IQGAP2: variants seen among roughly 807,000 people sequenced by gnomAD.
IQGAP2 encodes the protein ras GTPase-activating-like protein IQGAP2.
Under a neutral mutation model 201.3 loss-of-function variants are expected in IQGAP2, and 173 were observed. That is an observed-to-expected ratio of 0.86 (90% CI 0.76 to 0.98). IQGAP2 has a LOEUF of 0.98. IQGAP2 is among the 50% of genes least tolerant of loss of function. The pLI is 0.00. For missense variants in IQGAP2, 1,687 were observed against 1,864.8 expected (o/e 0.90, Z 1.76); for synonymous variants, 675 against 673.9 (o/e 1.00, Z -0.03).
intron 1 of IQGAP2, among the ~76,000 whole-genome samples, chr5:76,450,106 C>A (rs988848881): frequency 1.3e-5 from 2 of 152,160 alleles, no homozygotes. Flanking sequence ...ACACAACAAG[C>A]CAAAACCAAA....
intron 2 of IQGAP2, among the ~76,000 whole-genome samples, chr5:76,496,767 TTCTTTCTTTCTTTCTTTCTTTCTTTCTC>T (rs1756991892): frequency 2.5e-5 from 3 of 120,982 alleles, no homozygotes; most frequent in South Asian, 5.2e-4. Flanking sequence ...CTTTCTTTCT[TTCTTTCTTTCTTTCTTTCTTTCTTTCTC>T]TTTCTTTCTT....
In IQGAP2 at chr5:76,707,573, A is replaced by C. The variant is rs1748017892; in HGVS notation, c.*260A>C. Reference sequence around the variant, plus strand: ...GGTACTCTGATTTAAAACTTTGGACATCCTGTGATCTGTTTTAAAGTTGGG... The same window carrying C: ...GGTACTCTGATTTAAAACTTTGGACCTCCTGTGATCTGTTTTAAAGTTGGG... On this transcript the variant is annotated 3_prime_UTR_variant, in exon 36 of 36. Coordinates refer to ENST00000274364, the MANE Select transcript of IQGAP2 (RefSeq NM_006633.5). The C allele has an allele frequency of 9.6e-6, 3 of 313,956 alleles. No individual in the cohort carries two copies. The highest frequency in any genetic ancestry group is 1.3e-4 in the South Asian group (2 of 15,920). The allele number at this position is 313,956 out of a possible 1,614,324, so 19.4% of individuals were successfully genotyped here. A position where few individuals can be genotyped will look rare whatever the true frequency, so the allele number is the denominator to read the frequency against.
At chr5:76,636,973 C>T in intron 15 of IQGAP2, 61 bp from the exon 16 acceptor site, 1 of 1,312,070 alleles carries the variant, frequency 7.6e-7, no homozygotes. Flanking sequence ...ATTAAAGAAA[C>T]TACACTAATG....
chr5:76,602,128 G>A (rs1403745439), intron 11 of IQGAP2, among the ~76,000 whole-genome samples: 1 of 152,180 alleles, frequency 6.6e-6, no homozygotes, highest in Non-Finnish European at 1.5e-5. Flanking sequence ...ACCTCTGCAA[G>A]ATGTTTCCAT....
intron 2 of IQGAP2, among the ~76,000 whole-genome samples, chr5:76,538,409 T>C (rs921511170): frequency 6.6e-6 from 1 of 152,340 alleles, no homozygotes; most frequent in Non-Finnish European, 1.5e-5. Flanking sequence ...TGCTGCCACG[T>C]ACTCTTCCAG....
At chr5:76,549,322 T>TGC (rs1357337678) in intron 2 of IQGAP2, among the ~76,000 whole-genome samples, 1 of 146,182 alleles carries the variant, frequency 6.8e-6, no homozygotes, top group Non-Finnish European at 1.5e-5. Context: ...AGCTCTGGAG[T>TGC]GTGTGTGTGT....
intron 33 of IQGAP2, 31 bp downstream of exon 33, chr5:76,698,178 A>G (rs1316375862): frequency 6.7e-7 from 1 of 1,500,448 alleles, no homozygotes; most frequent in Non-Finnish European, 9.2e-7. Context: ...GTTCATTTGT[A>G]ATGTCATGAT....
chr5:76,582,036 G>T (rs917634119), intron 5 of IQGAP2, among the ~76,000 whole-genome samples: 2 of 152,152 alleles, frequency 1.3e-5, no homozygotes, highest in Admixed American at 1.3e-4. Context: ...ATACTGTACT[G>T]GTATAATCTC....
At chr5:76,630,420 G>A (rs538228384) in intron 14 of IQGAP2, among the ~76,000 whole-genome samples, 1 of 152,228 alleles carries the variant, frequency 6.6e-6, no homozygotes, top group South Asian at 2.1e-4. Flanking sequence ...CAGCTGTCCT[G>A]TTAGGATTTT....
intron 27 of IQGAP2, among the ~76,000 whole-genome samples, chr5:76,676,852 C>G (rs1024498864): frequency 6.6e-6 from 1 of 152,112 alleles, no homozygotes; most frequent in Non-Finnish European, 1.5e-5. Flanking sequence ...CTATTGTATT[C>G]CTCACACAGA....
intron 15 of IQGAP2, 74 bp from the exon 16 acceptor site, chr5:76,636,960 C>T: frequency 8.4e-7 from 1 of 1,188,316 alleles, no homozygotes. Context: ...AATTATTTTA[C>T]ATATTAAAGA....
At chr5:76,503,212 T>C (rs1757390173) in intron 2 of IQGAP2, among the ~76,000 whole-genome samples, 1 of 148,546 alleles carries the variant, frequency 6.7e-6, no homozygotes, top group African/African-American at 2.5e-5. Flanking sequence ...TTGGTCTTGT[T>C]GCCCAGGCTG....
At chr5:76,570,354 AC>A (rs1460042208) in intron 3 of IQGAP2, among the ~76,000 whole-genome samples, 4 of 152,184 alleles carry the variant, frequency 2.6e-5, no homozygotes, top group Admixed American at 2.6e-4. Context: ...TTCAGAATTT[AC>A]CTCAAACGTG....
rs550784120 is a variant in IQGAP2 at position 76,682,194 on chromosome 5, G to A, written c.3661-921G>A. Among the ~76,000 whole-genome samples the A allele has an allele frequency of 2.3e-4, 35 of 152,288 alleles. No individual in the cohort carries two copies. The South Asian group carries it at 5.6e-3, about 24-fold the overall frequency. ...AGCCATTGCATCGTACATTTTAAGT[G>A]AGTGGATTTGATGTATCTGAATTCT... is the stretch of plus-strand genomic sequence containing the variant. On this transcript the variant is annotated intron_variant, in intron 28 of 35. Coordinates refer to ENST00000274364, the MANE Select transcript of IQGAP2 (RefSeq NM_006633.5).
In IQGAP2 at chr5:76,562,567, A is replaced by G. The variant is rs368490798; in HGVS notation, c.303+15A>G. The G allele has an allele frequency of 3.7e-6, 6 of 1,605,196 alleles. No homozygotes were observed. On this transcript the variant is annotated intron_variant, in intron 3 of 35. Transcript: ENST00000274364. The stretch of plus-strand genomic sequence containing the variant: ...CACGTTATAAGGTAACCAAGATCTA[A>G]TTGGTTTTGGCTTCCAGCTAAAAGT...
chr5:76,700,071 T>TAGGA (rs1228230751), intron 33 of IQGAP2, among the ~76,000 whole-genome samples: 2 of 151,898 alleles, frequency 1.3e-5, no homozygotes, highest in African/African-American at 4.8e-5. Flanking sequence ...ACACTAAATA[T>TAGGA]AGGAAGGAAG....
intron 23 of IQGAP2, among the ~76,000 whole-genome samples, chr5:76,670,912 A>G (rs1390667294): frequency 6.6e-6 from 1 of 152,214 alleles, no homozygotes; most frequent in African/African-American, 2.4e-5. Flanking sequence ...TGCCTTCTAG[A>G]TTGAAATTGA....
At chr5:76,598,834 T>G (rs1747220464) in intron 10 of IQGAP2, among the ~76,000 whole-genome samples, 1 of 152,200 alleles carries the variant, frequency 6.6e-6, no homozygotes, top group African/African-American at 2.4e-5. Flanking sequence ...TTATGGTGCT[T>G]GTACATGTGA....
intron 13 of IQGAP2, among the ~76,000 whole-genome samples, chr5:76,613,685 G>T (rs1748611295): frequency 6.6e-6 from 1 of 152,016 alleles, no homozygotes; most frequent in African/African-American, 2.4e-5. Flanking sequence ...GGCGAGTGAT[G>T]TCAGTATCTT....
Sources: allele counts gnomAD v4.1 joint callset (sites outside exome capture counted in the v4.1 genomes callset), GRCh38; gene constraint gnomAD v4.1.1; transcripts MANE v1.5; gene names NCBI Gene and HGNC (gene_info 2026-07-23, HGNC 2026-07-21).